Variants in POLA2 observed in about 807,000 individuals in gnomAD.
POLA2 encodes DNA polymerase alpha 2, accessory subunit.
A neutral mutation model predicts 82.8 loss-of-function variants in POLA2; 47 were observed. The ratio of observed to expected loss-of-function variants is 0.57; its 90% CI spans 0.45 to 0.72. The LOEUF is 0.72. POLA2 is among the 30% of genes least tolerant of loss of function. POLA2 has a pLI of 0.00. For synonymous variants in POLA2, 287 were observed against 286.8 expected, an observed-to-expected ratio of 1.00 and a Z score of -0.01; for missense variants, 634 against 728.1, an observed-to-expected ratio of 0.87 and a Z score of 1.49.
In POLA2 at chr11:65,294,611, C is replaced by T. The variant is rs760126459; in HGVS notation, c.1419C>T (p.Ser473=). The T allele has an allele frequency of 2.0e-5, 33 of 1,613,988 alleles. No individual in the cohort carries two copies. The highest frequency in any genetic ancestry group is 2.7e-5 in the Non-Finnish European group (32 of 1,179,988). ...SINGVIFGLT[S]TDLLFHLGAE... ...ACGGAGTGATCTTCGGCTTGACATC[C>T]ACAGATCTGCTTTTCCACCTGGGGG... Residue 473 remains serine (S), a synonymous_variant, in exon 15 of 18, where the codon TCC becomes TCT. Coordinates refer to ENST00000265465, the MANE Select transcript of POLA2 (RefSeq NM_002689.4).
At chr11:65,269,009 T>C (rs1949492966) in intron 4 of POLA2, among the ~76,000 whole-genome samples, 2 of 152,218 alleles carry the variant, frequency 1.3e-5, no homozygotes, top group South Asian at 4.1e-4. Flanking sequence ...AGTTTTATAC[T>C]ATAATTGAAT....
chr11:65,263,781 C>G (rs898595942), intron 1 of POLA2, among the ~76,000 whole-genome samples: 9 of 149,940 alleles, frequency 6.0e-5, no homozygotes, highest in African/African-American at 2.2e-4. Context: ...GAGCCGAGAT[C>G]ACACCATTGC....
At chr11:65,293,291 C>T (rs769160147) in intron 13 of POLA2, among the ~76,000 whole-genome samples, 23 of 152,004 alleles carry the variant, frequency 1.5e-4, no homozygotes, top group Non-Finnish European at 7.4e-5. Context: ...TTCAGTCAGT[C>T]AGAGGGTTTC....
At position 65,295,930 on chromosome 11, in the gene POLA2, A is replaced by C. The variant is rs748941889; in HGVS notation, c.1587A>C (p.Ala529=). Residue 529 remains alanine, a synonymous_variant, in exon 17 of 18, where the codon GCA becomes GCC. Transcript: ENST00000265465. ...ACTATGAGTCGTTCTATGTTTACGC[A>C]CAGCTGCCTGTCACCCCAGATGTCC... ...AIDYESFYVY[A]QLPVTPDVLI... 2 of 1,614,140 alleles carry C rather than the reference A, an allele frequency of 1.2e-6. No individual in the cohort carries two copies. The highest frequency in any genetic ancestry group is 2.2e-5 in the South Asian group (2 of 91,076).
At chr11:65,276,269 TG>T (rs2137529003) in intron 5 of POLA2, among the ~76,000 whole-genome samples, 1 of 152,336 alleles carries the variant, frequency 6.6e-6, no homozygotes, top group African/African-American at 2.4e-5. Flanking sequence ...TATCTTGTAT[TG>T]AAAACAACCT....
At chr11:65,296,570 C>G (rs1174305194) in intron 17 of POLA2, 1 of 158,640 alleles carries the variant, frequency 6.3e-6, no homozygotes, top group East Asian at 1.9e-4. Context: ...AGTTTAGGAG[C>G]TGATTGTCAT....
intron 1 of POLA2, among the ~76,000 whole-genome samples, chr11:65,263,775 C>T (rs573187685): frequency 1.3e-5 from 2 of 150,284 alleles, no homozygotes; most frequent in East Asian, 2.0e-4. Flanking sequence ...TGTGGTGAGC[C>T]GAGATCACAC....
chr11:65,279,511 T>C, intron 6 of POLA2, 27 bp from the exon 7 acceptor site: 1 of 1,428,598 alleles, frequency 7.0e-7, no homozygotes, highest in South Asian at 1.2e-5. Flanking sequence ...TTAAACATAA[T>C]ACTTTTTTCC....
At chr11:65,294,837 A>C (rs1230121323) in intron 15 of POLA2, 185 bp downstream of exon 15, 1 of 476,942 alleles carries the variant, frequency 2.1e-6, no homozygotes, top group Non-Finnish European at 3.7e-6. Flanking sequence ...TGGATGCATT[A>C]GTTTCTGTTA....
downstream of POLA2, among the ~76,000 whole-genome samples, chr11:65,300,587 T>TTTTG (rs1949854457): frequency 6.7e-6 from 1 of 149,730 alleles, no homozygotes; most frequent in African/African-American, 2.5e-5. Flanking sequence ...TTGTTTGTTT[T>TTTTG]TTTGTTTGTT....
At chr11:65,288,127 G>A (rs933013299) in intron 11 of POLA2, among the ~76,000 whole-genome samples, 5 of 152,194 alleles carry the variant, frequency 3.3e-5, no homozygotes, top group African/African-American at 9.6e-5. Context: ...CCAACATGGT[G>A]AAACCCCATC....
chr11:65,285,617 T>C lies in POLA2; in HGVS notation c.1007-2099T>C, dbSNP rs545536482. Among the ~76,000 whole-genome samples, 23 of 148,144 alleles carry C rather than the reference T, an allele frequency of 1.6e-4. No homozygotes were observed. In the South Asian group the frequency reaches 4.8e-3, roughly 31 times the overall value. Reference sequence around the variant, plus strand: ...AAAAAGAAAAAAAAGAAAATACAAATTTATAGGGGGCAAGGGTGGCATGCT... The same window carrying C: ...AAAAAGAAAAAAAAGAAAATACAAACTTATAGGGGGCAAGGGTGGCATGCT... On this transcript the variant is annotated intron_variant, in intron 10 of 17. Coordinates refer to ENST00000265465, the MANE Select transcript of POLA2 (RefSeq NM_002689.4).
chr11:65,279,631 G>T lies in POLA2; in HGVS notation c.744+5G>T, dbSNP rs1287327712. On this transcript the variant is annotated splice_donor_5th_base_variant and intron_variant, in intron 7 of 17. Transcript: ENST00000265465. ...CCTTTGCTAGCCCCAGCACAGGTAA[G>T]AGTTGTTCTAATAGTTCTCACTAAT... The T allele has an allele frequency of 1.3e-6, 2 of 1,597,668 alleles. No homozygotes were observed. The highest frequency in any genetic ancestry group is 8.6e-7 in the Non-Finnish European group (1 of 1,166,444).
chr11:65,287,448 A>G (rs1949708521), intron 10 of POLA2, among the ~76,000 whole-genome samples: 1 of 152,146 alleles, frequency 6.6e-6, no homozygotes, highest in Non-Finnish European at 1.5e-5. Context: ...CCTGACTGCC[A>G]CTTTCCTCGA....
intron 8 of POLA2, among the ~76,000 whole-genome samples, chr11:65,304,927 T>C (rs142164482): frequency 6.9e-4 from 105 of 152,132 alleles, no homozygotes; most frequent in Admixed American, 1.2e-3. Context: ...GTGTGGAGAA[T>C]AGGCAGGCAG....
At chr11:65,274,318 G>C (rs1400219718) in intron 4 of POLA2, among the ~76,000 whole-genome samples, 1 of 151,478 alleles carries the variant, frequency 6.6e-6, no homozygotes, top group Admixed American at 6.6e-5. Context: ...AGTGAGCCGA[G>C]ATCGCACATC....
chr11:65,272,331 G>A (rs566797401), intron 4 of POLA2, among the ~76,000 whole-genome samples: 65 of 152,246 alleles, frequency 4.3e-4, no homozygotes, highest in African/African-American at 1.5e-3. Flanking sequence ...AAGTGTGAAT[G>A]TTGGCCTTTC....
intron 3 of POLA2, among the ~76,000 whole-genome samples, chr11:65,268,251 G>C (rs1022031004): frequency 6.6e-6 from 1 of 151,930 alleles, no homozygotes; most frequent in African/African-American, 2.4e-5. Flanking sequence ...CCTGGACGAC[G>C]AGGAAACCCC....
At chr11:65,281,619 G>C (rs375706935) in intron 8 of POLA2, 51 bp from the exon 9 acceptor site, 2 of 1,251,278 alleles carry the variant, frequency 1.6e-6, no homozygotes, top group African/African-American at 2.9e-5. Context: ...ATGTATTCCA[G>C]ACCTCATTGA....
Sources: allele counts gnomAD v4.1 joint callset (sites outside exome capture counted in the v4.1 genomes callset), GRCh38; gene constraint gnomAD v4.1.1; transcripts MANE v1.5; gene names NCBI Gene and HGNC (gene_info 2026-07-23, HGNC 2026-07-21).